RHCE: variants seen among roughly 807,000 people sequenced by gnomAD.
The protein encoded by RHCE is blood group Rh(CE) polypeptide.
Under a neutral mutation model 43.8 loss-of-function variants are expected in RHCE, and 22 were observed. The ratio of observed to expected loss-of-function variants is 0.50; its 90% CI spans 0.36 to 0.72. The LOEUF (loss-of-function observed/expected upper bound fraction) is 0.72. Ranked by LOEUF, RHCE falls within the 30% of genes least tolerant of loss-of-function variation. RHCE has a pLI of 0.00. For synonymous variants in RHCE, 156 were observed against 210.7 expected (o/e 0.74, Z 2.25); for missense variants, 385 against 525.4 (o/e 0.73, Z 2.61).
chr1:25,416,817 G>GGC (rs1259233742), intron 1 of RHCE, among the ~76,000 whole-genome samples: 1 of 88,984 alleles, frequency 1.1e-5, no homozygotes, highest in African/African-American at 6.4e-5. Flanking sequence ...TTTTAGAGAT[G>GGC]GCGGGGGGGG....
intron 7 of RHCE, among the ~76,000 whole-genome samples, chr1:25,383,079 G>A (rs1166781516): frequency 6.6e-6 from 1 of 152,216 alleles, no homozygotes; most frequent in Non-Finnish European, 1.5e-5. Flanking sequence ...CTAGAAGGGT[G>A]CAGAGATTCT....
intron 8 of RHCE, among the ~76,000 whole-genome samples, chr1:25,374,023 G>C (rs1457361669): frequency 6.6e-6 from 1 of 151,146 alleles, no homozygotes; most frequent in African/African-American, 2.5e-5. Context: ...GTTTTCCCAT[G>C]TTGGTCAGGC....
At chr1:25,406,793 T>C (rs1646937250) in intron 2 of RHCE, among the ~76,000 whole-genome samples, 1 of 119,390 alleles carries the variant, frequency 8.4e-6, no homozygotes, top group African/African-American at 2.6e-5. Context: ...GCCCAGCTAA[T>C]TTTTTGTATG....
At chr1:25,373,195 T>C (rs1645666857) in intron 8 of RHCE, among the ~76,000 whole-genome samples, 1 of 151,678 alleles carries the variant, frequency 6.6e-6, no homozygotes, top group Admixed American at 6.6e-5. Context: ...TCTTTTCCTC[T>C]ATTCTCTTTT....
intron 7 of RHCE, among the ~76,000 whole-genome samples, chr1:25,379,018 T>G (rs1335469118): frequency 3.9e-5 from 6 of 152,178 alleles, no homozygotes; most frequent in Admixed American, 3.9e-4. Context: ...ATTCCATGTA[T>G]ATTATCTCAG....
chr1:25,388,745 A>G (rs576619641), intron 6 of RHCE, among the ~76,000 whole-genome samples: 23 of 152,300 alleles, frequency 1.5e-4, no homozygotes, highest in African/African-American at 5.3e-4. Context: ...GCCTGGTAAC[A>G]AATTCTCCCC....
Position 25,407,656 on chromosome 1 carries a change from C to CAA in RHCE, c.335+1025_335+1026dup, listed in dbSNP as rs113713428. Among the ~76,000 whole-genome samples the CAA allele has an allele frequency of 5.7e-5, 7 of 123,648 alleles. 1 individual carries two copies. The highest frequency in any genetic ancestry group is 1.8e-4 in the African/African-American group (7 of 39,998). The allele number at this position is 123,648 out of a possible 152,430, so 81.1% of individuals were successfully genotyped here. A position where few individuals can be genotyped will look rare whatever the true frequency, so the allele number is the denominator to read the frequency against. ...GAGAGATTCAGAGGTTTGAACAAAA[C>CAA]AAAACAATGTTTCAGGAAAAAATTT... On this transcript the variant is annotated intron_variant, in intron 2 of 9. Transcript: ENST00000294413.
chr1:25,403,361 C>T (rs1646815697), intron 2 of RHCE, among the ~76,000 whole-genome samples: 1 of 151,762 alleles, frequency 6.6e-6, no homozygotes, highest in African/African-American at 2.4e-5. Flanking sequence ...TGTTGGTGTC[C>T]TGGGGATGTG....
chr1:25,416,016 G>C (rs1414827903), intron 1 of RHCE, among the ~76,000 whole-genome samples: 2 of 151,370 alleles, frequency 1.3e-5, no homozygotes. Flanking sequence ...ACCACACTTT[G>C]AGAAACATGG....
intron 9 of RHCE, among the ~76,000 whole-genome samples, chr1:25,368,802 C>T (rs527870986): frequency 4.7e-4 from 71 of 151,060 alleles, no homozygotes; most frequent in Middle Eastern, 3.4e-3. Flanking sequence ...GCTCTGTCAC[C>T]CAGGCTGGAG....
chr1:25,411,016 C>A (rs1647056900), intron 1 of RHCE, among the ~76,000 whole-genome samples: 1 of 151,956 alleles, frequency 6.6e-6, no homozygotes, highest in Non-Finnish European at 1.5e-5. Flanking sequence ...CGCTTGAACC[C>A]AGGAGGCGGA....
intron 5 of RHCE, among the ~76,000 whole-genome samples, chr1:25,389,881 T>A (rs542836454): frequency 1.4e-3 from 207 of 152,162 alleles, no homozygotes; most frequent in Non-Finnish European, 2.5e-3. Flanking sequence ...CTCACCTAGG[T>A]TTAGCCTCTG....
intron 2 of RHCE, 67 bp from the exon 3 acceptor site, chr1:25,402,813 A>G: frequency 6.3e-7 from 1 of 1,596,528 alleles, no homozygotes; most frequent in African/African-American, 1.3e-5. Context: ...TCATTCATTC[A>G]TTCATTCATT....
At chr1:25,402,902 GA>G (rs1243488905) in intron 2 of RHCE, among the ~76,000 whole-genome samples, 156 bp from the exon 3 acceptor site, 1 of 152,080 alleles carries the variant, frequency 6.6e-6, no homozygotes, top group Non-Finnish European at 1.5e-5. Context: ...TGATGCTGCA[GA>G]GTGGAGTGAC....
chr1:25,370,665 T>C (rs1645579515), intron 8 of RHCE, 125 bp from the exon 9 acceptor site: 6 of 798,678 alleles, frequency 7.5e-6, no homozygotes, highest in East Asian at 2.7e-5. Context: ...TCTCCCACAA[T>C]TGAAAGACAA....
chr1:25,429,985 C>T (rs941466902), exon 1 of RHCE: 1 of 152,070 alleles, frequency 6.6e-6, no homozygotes, highest in African/African-American at 2.4e-5. Context: ...GAGTACGAAG[C>T]GTGAAGGGTC....
At chr1:25,377,487 A>C (rs897819757) in intron 7 of RHCE, among the ~76,000 whole-genome samples, 12 of 152,118 alleles carry the variant, frequency 7.9e-5, no homozygotes, top group African/African-American at 2.4e-4. Flanking sequence ...TGAGCCACCG[A>C]GCTGGCTGCA....
chr1:25,415,142 C>A (rs1156327821), intron 1 of RHCE, among the ~76,000 whole-genome samples: 1 of 152,048 alleles, frequency 6.6e-6, no homozygotes, highest in Non-Finnish European at 1.5e-5. Flanking sequence ...TCTTAACTCC[C>A]CACTCTTTTC....
chr1:25,421,646 G>A (rs2042761469), upstream of RHCE, among the ~76,000 whole-genome samples: 1 of 152,180 alleles, frequency 6.6e-6, no homozygotes, highest in Admixed American at 6.5e-5. Flanking sequence ...GCTTTACGGG[G>A]CTTGGGACTT....
Sources: gnomAD v4.1 joint callset for allele counts (sites outside exome capture counted in the v4.1 genomes callset) on GRCh38, gnomAD v4.1.1 for gene constraint, MANE v1.5 for transcripts, NCBI Gene and HGNC (gene_info 2026-07-23, HGNC 2026-07-21) for gene names.